Variants in SH3TC1 observed in about 807,000 individuals in gnomAD.
SH3TC1 encodes SH3 domain and tetratricopeptide repeats 1, also known as SH3 domain and tetratricopeptide repeat-containing protein 1.
SH3TC1 carries 135 observed loss-of-function variants against 117.3 expected under a neutral mutation model. That is an observed-to-expected ratio of 1.15 (90% CI 1.00 to 1.33). SH3TC1 has a LOEUF of 1.33. Among genes scored for constraint, SH3TC1 ranks in the 40% most tolerant of loss-of-function variants. The pLI, the probability that SH3TC1 is intolerant of heterozygous loss-of-function variation, is 0.00. For missense variants in SH3TC1, 2,092 were observed against 1,794.3 expected, an observed-to-expected ratio of 1.17 and a Z score of -3.00; for synonymous variants, 898 against 816.9, an observed-to-expected ratio of 1.10 and a Z score of -1.69.
upstream of SH3TC1, among the ~76,000 whole-genome samples, chr4:8,194,899 C>T (rs1267606539): frequency 6.6e-6 from 1 of 152,218 alleles, no homozygotes; most frequent in Non-Finnish European, 1.5e-5. Context: ...CCGGCTGCTC[C>T]ACTCACACCT....
At chr4:8,211,971 G>A (rs562379632) in intron 3 of SH3TC1, among the ~76,000 whole-genome samples, 2 of 152,238 alleles carry the variant, frequency 1.3e-5, no homozygotes, top group South Asian at 2.1e-4. Flanking sequence ...ACAGGAGGGA[G>A]GGCCAGGTGT....
At position 8,228,637 on chromosome 4, in the gene SH3TC1, C is replaced by A; in HGVS notation, c.2943C>A (p.His981Gln). 1 of 1,499,364 alleles carries A rather than the reference C, an allele frequency of 6.7e-7. No individual in the cohort carries two copies. Among genetic ancestry groups the A allele is most frequent in the South Asian group, 1.3e-5 (1 of 74,250 alleles). The allele number at this position is 1,499,364 out of a possible 1,614,324, so 92.9% of individuals were successfully genotyped here. ...TTCTGGTCGCCGTGGAGATGGGCCA[C>A]GTGGAGAGTGAGTGCCCCAGTTCCT... ...WALLVAVEMG[H>Q]VESQLRAVQR... The change falls in exon 12 of 18, where the codon CAC (histidine) becomes CAA (glutamine). Residue 981 changes from histidine to glutamine, a missense_variant. Coordinates refer to ENST00000245105, the MANE Select transcript of SH3TC1 (RefSeq NM_018986.5).
chr4:8,233,038 G>T, intron 13 of SH3TC1: 1 of 1,224,620 alleles, frequency 8.2e-7, no homozygotes, highest in Non-Finnish European at 1.0e-6. Flanking sequence ...CATCGGCCTG[G>T]ATAGCATCTG....
chr4:8,199,758 C>T (rs1717703531), intron 1 of SH3TC1, among the ~76,000 whole-genome samples: 2 of 152,334 alleles, frequency 1.3e-5, no homozygotes, highest in South Asian at 4.1e-4. Flanking sequence ...GATTCCAAGT[C>T]CAGCGGATCT....
In SH3TC1 at chr4:8,209,459, T is replaced by C. The variant is rs1478358671; in HGVS notation, c.173-289T>C. ...AACAGGGCCCTGTCCACACCCTCAC[T>C]TTAGCTCTGTGAGGCCCATTGGAAC... On this transcript the variant is annotated intron_variant, in intron 2 of 17. Transcript: ENST00000245105. This position sits in a 1 kb window ranked among gnomAD's most constrained non-coding sequence, Gnocchi z 5.9. Among the ~76,000 whole-genome samples, 2 of 152,128 alleles carry C rather than the reference T, an allele frequency of 1.3e-5. No individual in the cohort carries two copies. The highest frequency in any genetic ancestry group is 4.8e-5 in the African/African-American group (2 of 41,438).
At chr4:8,234,474 C>CCCAT (rs750828386) in intron 14 of SH3TC1, among the ~76,000 whole-genome samples, 21 of 101,028 alleles carry the variant, frequency 2.1e-4, no homozygotes, top group South Asian at 3.7e-4. Flanking sequence ...CATCATTCAA[C>CCCAT]CCATCCATCC....
At position 8,219,481 on chromosome 4, in the gene SH3TC1, G is replaced by A. The variant is rs1168236710; in HGVS notation, c.1063G>A (p.Val355Met). Residue 355 changes from valine to methionine, a missense_variant, in exon 9 of 18, where the codon GTG becomes ATG. By Grantham distance (21) the Val-to-Met change is conservative. Transcript: ENST00000245105. ...GGGCCGACACGCAGCCTCGGGCCGGGTGGGGTTTGTGCGGAGCAGCCTCAT... is the reference window on the plus strand; with the variant it reads ...GGGCCGACACGCAGCCTCGGGCCGGATGGGGTTTGTGCGGAGCAGCCTCAT... ...CVGRHAASGRVGFVRSSLISM... is the reference protein window; with the variant it reads ...CVGRHAASGRMGFVRSSLISM... 1.2e-6 allele frequency: 2 copies of A among 1,604,658 alleles called. No homozygotes were observed. The highest frequency in any genetic ancestry group is 1.7e-6 in the Non-Finnish European group (2 of 1,173,946).
In SH3TC1 at chr4:8,236,308, G is replaced by C; in HGVS notation, c.3436G>C (p.Gly1146Arg). 6.4e-7 allele frequency: 1 copy of C among 1,556,340 alleles called. No individual in the cohort carries two copies. The highest frequency in any genetic ancestry group is 2.4e-5 in the East Asian group (1 of 41,616). Residue 1146 changes from glycine (G) to arginine (R), a missense_variant, in exon 16 of 18, where the codon GGC becomes CGC. By Grantham distance (125) the Gly-to-Arg change is moderately radical (BLOSUM62 -2). Transcript: ENST00000245105. The stretch of plus-strand genomic sequence containing the variant: ...GGCCCTGCCCCTGGCAGTGACTACG[G>C]GCAACCGCAAGGCGGAGCTGCGGCT... The part of the protein sequence containing the change: ...DRALPLAVTT[G>R]NRKAELRLCN...
intron 1 of SH3TC1, among the ~76,000 whole-genome samples, chr4:8,193,037 C>G (rs1264340692): frequency 1.3e-5 from 2 of 152,238 alleles, no homozygotes; most frequent in Non-Finnish European, 2.9e-5. Context: ...AGATAGTTTT[C>G]TTGGCATATG....
chr4:8,234,716 C>G (rs1721650027), intron 14 of SH3TC1, among the ~76,000 whole-genome samples: 1 of 152,252 alleles, frequency 6.6e-6, no homozygotes, highest in African/African-American at 2.4e-5. Flanking sequence ...CCCTCATATC[C>G]TCCCCCAATG....
chr4:8,228,845 A>C (rs1720849877), intron 12 of SH3TC1, among the ~76,000 whole-genome samples: 1 of 152,240 alleles, frequency 6.6e-6, no homozygotes, highest in Non-Finnish European at 1.5e-5. Context: ...TGGGGGAGCC[A>C]GCTCCTCCCG....
At chr4:8,223,395 T>C (rs1406124589) in intron 10 of SH3TC1, among the ~76,000 whole-genome samples, 3 of 152,208 alleles carry the variant, frequency 2.0e-5, no homozygotes, top group African/African-American at 7.2e-5. Context: ...GACTGTGGTG[T>C]GGCCTGGTCA....
intron 17 of SH3TC1, among the ~76,000 whole-genome samples, chr4:8,239,203 GCAC>G (rs1722091275): frequency 6.7e-6 from 1 of 149,686 alleles, no homozygotes; most frequent in African/African-American, 2.5e-5. Context: ...GCTGCTGCAC[GCAC>G]TACAGGCACA....
chr4:8,205,902 G>T lies in SH3TC1; in HGVS notation c.172+536G>T. 2 of 541,300 alleles carry T rather than the reference G, an allele frequency of 3.7e-6. No individual in the cohort carries two copies. 33.5% of individuals were successfully genotyped at this position (541,300 alleles called of 1,614,324 possible). A position where few individuals can be genotyped will look rare whatever the true frequency, so the allele number is the denominator to read the frequency against. ...TACCCCCATCCTGAGACCCTGAAGG[G>T]GACGAGGGGAGAGGCAGGGGAGACC... On this transcript the variant is annotated intron_variant, in intron 2 of 17. Transcript: ENST00000245105. This position sits in a 1 kb window ranked among gnomAD's most constrained non-coding sequence, Gnocchi z 5.4.
chr4:8,218,722 G>T (rs1219201369), intron 8 of SH3TC1, among the ~76,000 whole-genome samples: 3 of 152,232 alleles, frequency 2.0e-5, no homozygotes, highest in Non-Finnish European at 2.9e-5. Flanking sequence ...CATGGGAAAC[G>T]CCTGGAAGGC....
At chr4:8,234,336 G>A (rs1001113916) in intron 14 of SH3TC1, among the ~76,000 whole-genome samples, 4 of 148,646 alleles carry the variant, frequency 2.7e-5, no homozygotes, top group African/African-American at 7.5e-5. Flanking sequence ...CCCTCCATTC[G>A]TCTGTCTGTC....
rs554248065 is a variant in SH3TC1 at position 8,206,770 on chromosome 4, T to G, written c.172+1404T>G. On this transcript the variant is annotated intron_variant, in intron 2 of 17. Coordinates refer to ENST00000245105, the MANE Select transcript of SH3TC1 (RefSeq NM_018986.5). This position sits in a 1 kb window ranked among gnomAD's most constrained non-coding sequence, Gnocchi z 5.5. ...GCAAGAAATAGTACAGATAATTCCA[T>G]TTGCCCATACCCAGGTTCCCTGAAT... Among the ~76,000 whole-genome samples the G allele has an allele frequency of 2.0e-5, 3 of 152,290 alleles. No individual in the cohort carries two copies. The South Asian group carries it at 6.2e-4, about 32-fold the overall frequency.
rs1472280241 is a variant in SH3TC1 at position 8,232,115 on chromosome 4, G to A, written c.3090G>A (p.Leu1030=). Residue 1030 remains leucine (L), a synonymous_variant, in exon 13 of 18, where the codon CTG becomes CTA. Transcript: ENST00000245105. The part of the protein sequence containing the change: ...VADKVLEGQL[L]ETISQLYLSL... The stretch of plus-strand genomic sequence containing the variant: ...ACAAGGTGCTGGAGGGGCAGCTCCT[G>A]GAGACCATCAGCCAGCTCTACCTGT... 6 of 1,533,526 alleles carry A rather than the reference G, an allele frequency of 3.9e-6. No individual in the cohort carries two copies. The highest frequency in any genetic ancestry group is 1.4e-5 in the African/African-American group (1 of 71,930). 95.0% of individuals were successfully genotyped at this position (1,533,526 alleles called of 1,614,324 possible).
At chr4:8,204,166 A>T (rs570063839) in intron 1 of SH3TC1, among the ~76,000 whole-genome samples, 1 of 152,048 alleles carries the variant, frequency 6.6e-6, no homozygotes, top group Non-Finnish European at 1.5e-5. Flanking sequence ...TGCAGAGGGG[A>T]TGTTTGCTGG....
Sources: allele counts gnomAD v4.1 joint callset (sites outside exome capture counted in the v4.1 genomes callset), GRCh38; gene constraint gnomAD v4.1.1; non-coding constraint Gnocchi (gnomAD v3.1); transcripts MANE v1.5; gene names NCBI Gene and HGNC (gene_info 2026-07-23, HGNC 2026-07-21).